Variants in IARS2 observed in about 807,000 individuals in gnomAD.
IARS2 encodes the protein isoleucyl-tRNA synthetase 2, mitochondrial, also known as isoleucine--tRNA ligase, mitochondrial.
In IARS2, 56 loss-of-function variants were observed where a neutral mutation model predicts 126.3. The observed-to-expected ratio is 0.44, with a 90% CI of 0.36 to 0.55. IARS2 has a LOEUF of 0.55. Among genes scored for constraint, IARS2 ranks in the 20% least tolerant of loss-of-function variants. IARS2 has a pLI of 0.00. For missense variants in IARS2, 1,127 were observed against 1,245.9 expected (o/e 0.90, Z 1.44); for synonymous variants, 407 against 441.1 (o/e 0.92, Z 0.97).
At chr1:220,105,869 T>G in intron 8 of IARS2, 22 bp from the exon 9 acceptor site, 2 of 1,605,240 alleles carry the variant, frequency 1.2e-6, no homozygotes, top group Non-Finnish European at 1.7e-6. Context: ...TGATTCTTAA[T>G]AGTGGTTTTC....
rs141215374 is a variant in IARS2, at chr1:220,103,553, A to T, written c.1057A>T (p.Thr353Ser). ...TLETTFETISTLSGVDLENGT... is the reference protein window; with the variant it reads ...TLETTFETISSLSGVDLENGT... ...GGAAACAACATTTGAGACTATTTCA[A>T]CACTTTCAGGTGAAGATTTTTAGAT... The change falls in exon 8 of 23, where the codon ACA becomes TCA. Residue 353 changes from threonine (T) to serine (S), a missense_variant. Coordinates refer to ENST00000366922, the MANE Select transcript of IARS2 (RefSeq NM_018060.4). 1.3e-4 allele frequency: 202 copies of T among 1,600,970 alleles called. 2 individuals are homozygous for T. In the African/African-American group the frequency reaches 2.5e-3, roughly 19 times the overall value.
chr1:220,111,983 A>G (rs980608291), intron 11 of IARS2, among the ~76,000 whole-genome samples: 1 of 151,620 alleles, frequency 6.6e-6, no homozygotes, highest in Non-Finnish European at 1.5e-5. Flanking sequence ...TTTTTTTTTT[A>G]ACTTTTTTGT....
chr1:220,097,457 G>A (rs1191744034), intron 2 of IARS2, among the ~76,000 whole-genome samples: 7 of 149,632 alleles, frequency 4.7e-5, no homozygotes, highest in African/African-American at 1.7e-4. Flanking sequence ...TCCGCTTCCC[G>A]GGTTCAAGCG....
intron 14 of IARS2, among the ~76,000 whole-genome samples, chr1:220,129,698 A>G (rs915220309): frequency 3.3e-5 from 5 of 152,078 alleles, no homozygotes; most frequent in African/African-American, 1.2e-4. Context: ...ATTCTTTTTT[A>G]TGGCTGAATA....
intron 7 of IARS2, among the ~76,000 whole-genome samples, chr1:220,103,197 C>T (rs1202700843): frequency 4.6e-5 from 7 of 151,944 alleles, no homozygotes; most frequent in Admixed American, 3.9e-4. Context: ...TACAGGCATG[C>T]GCCACCACGC....
chr1:220,102,879 T>A, intron 7 of IARS2, 102 bp downstream of exon 7: 1 of 717,652 alleles, frequency 1.4e-6, no homozygotes, highest in Non-Finnish European at 2.4e-6. Flanking sequence ...TTGTAAAATT[T>A]AATGAATTAT....
intron 20 of IARS2, among the ~76,000 whole-genome samples, chr1:220,142,172 G>A (rs1049588896): frequency 4.6e-5 from 7 of 152,108 alleles, no homozygotes; most frequent in Admixed American, 1.3e-4. Flanking sequence ...TGACAGTGTC[G>A]AGAAATCACC....
At chr1:220,114,184 A>T in intron 11 of IARS2, 130 bp from the exon 12 acceptor site, 1 of 705,024 alleles carries the variant, frequency 1.4e-6, no homozygotes, top group Non-Finnish European at 2.4e-6. Context: ...TGTTTTTTTG[A>T]GGGGAGGGTA....
chr1:220,147,112 T>G (rs551314488), intron 22 of IARS2, among the ~76,000 whole-genome samples: 1 of 152,374 alleles, frequency 6.6e-6, no homozygotes, highest in Non-Finnish European at 1.5e-5. Flanking sequence ...GTGAGGACAC[T>G]GTAGTTGTCA....
chr1:220,126,079 C>T (rs1326120816), intron 13 of IARS2, among the ~76,000 whole-genome samples: 1 of 147,606 alleles, frequency 6.8e-6, no homozygotes, highest in Non-Finnish European at 1.5e-5. Context: ...TGCACTCTAG[C>T]CTGGGCAACA....
chr1:220,145,659 AAGG>A lies in IARS2; in HGVS notation c.2896+9_2896+11del, dbSNP rs1558133370. The A allele has an allele frequency of 1.9e-6, 3 of 1,605,486 alleles. No homozygotes were observed. Among genetic ancestry groups the A allele is most frequent in the Non-Finnish European group, 2.6e-6 (3 of 1,175,014 alleles). ...ATTCCTCATCAACTTAGAAGGTAAG[AAGG>A]AGATGAAAGTAACAAGTAACATCTG... On this transcript the variant is annotated splice_region_variant and intron_variant, in intron 22 of 22. Coordinates refer to ENST00000366922, the MANE Select transcript of IARS2 (RefSeq NM_018060.4).
Position 220,101,967 on chromosome 1 carries a change from C to T in IARS2, c.551-162C>T, listed in dbSNP as rs144772853. ...CAGTGAGCCGAGATCATGCCACTCG[C>T]GCCACTGCACTCTAGCCTGGGTGAC... is the stretch of plus-strand genomic sequence containing the variant. On this transcript the variant is annotated intron_variant, in intron 3 of 22. Coordinates refer to ENST00000366922, the MANE Select transcript of IARS2 (RefSeq NM_018060.4). Among the ~76,000 whole-genome samples the T allele has an allele frequency of 4.7e-3, 713 of 152,266 alleles. 4 individuals are homozygous for T. Among genetic ancestry groups the T allele is most frequent in the African/African-American group, 0.011 (442 of 41,552 alleles).
At chr1:220,107,943 GGT>G (rs2102821226) in intron 10 of IARS2, among the ~76,000 whole-genome samples, 1 of 152,288 alleles carries the variant, frequency 6.6e-6, no homozygotes, top group Non-Finnish European at 1.5e-5. Flanking sequence ...TTCTCACTCA[GGT>G]TGATGTGCAG....
chr1:220,147,165 G>A (rs530147329), intron 22 of IARS2, among the ~76,000 whole-genome samples: 10 of 152,260 alleles, frequency 6.6e-5, no homozygotes, highest in African/African-American at 2.4e-4. Context: ...GTATGTAGCT[G>A]GAGAGGCAGT....
intron 11 of IARS2, among the ~76,000 whole-genome samples, chr1:220,112,555 C>CTT (rs750583631): frequency 3.6e-4 from 42 of 116,074 alleles, no homozygotes; most frequent in East Asian, 7.4e-4. Flanking sequence ...AAGATAAGCT[C>CTT]TTTTTTTTTT....
At chr1:220,107,279 A>G (rs1253620049) in intron 10 of IARS2, 128 bp downstream of exon 10, 3 of 637,334 alleles carry the variant, frequency 4.7e-6, no homozygotes, top group Admixed American at 5.4e-5. Context: ...GTTTTGCCAT[A>G]TGTTTTAAAA....
At position 220,094,250 on chromosome 1, in the gene IARS2, G is replaced by C; in HGVS notation, c.34G>C (p.Ala12Pro). ...GGGGCTGCGCCCTCGCGGGCCGGGC[G>C]CGGCCGCCCTGGCCACTGCCCGAAG... ...RWGLRPRGPG[A>P]AALATARSLW... is the part of the protein sequence containing the mutation. Residue 12 changes from alanine (A) to proline (P), a missense_variant, in exon 1 of 23, where the codon GCG becomes CCG. Ala to Pro is a conservative substitution (Grantham distance 27). Transcript: ENST00000366922. 1 of 1,598,610 alleles carries C rather than the reference G, an allele frequency of 6.3e-7. No individual in the cohort carries two copies. The highest frequency in any genetic ancestry group is 8.5e-7 in the Non-Finnish European group (1 of 1,172,696).
At position 220,107,109 on chromosome 1, in the gene IARS2, G is replaced by C. The variant is rs750212035; in HGVS notation, c.1285G>C (p.Glu429Gln). 194 of 1,613,640 alleles carry C rather than the reference G, an allele frequency of 1.2e-4. No homozygotes were observed. The highest frequency in any genetic ancestry group is 1.6e-4 in the Non-Finnish European group (185 of 1,179,682). ...DGVFTDVAGP[E>Q]LQNKAVLEEG... Reference sequence around the variant, plus strand: ...AGTTTTCACAGATGTTGCAGGTCCTGAACTTCAAAACAAGGCTGTCCTTGA... The same window carrying C: ...AGTTTTCACAGATGTTGCAGGTCCTCAACTTCAAAACAAGGCTGTCCTTGA... Residue 429 changes from glutamate (E) to glutamine (Q), a missense_variant, in exon 10 of 23, where the codon GAA becomes CAA. Glu to Gln is a conservative substitution (Grantham distance 29). Transcript: ENST00000366922.
rs528717966 is a variant in IARS2, at chr1:220,146,671, C to G, written c.2897-822C>G. ...GTAGTAAAAGTTCTGGCTTAATTTACTTTGTGTAATTTTTTCTTTCGGACG... is the reference window on the plus strand; with the variant it reads ...GTAGTAAAAGTTCTGGCTTAATTTAGTTTGTGTAATTTTTTCTTTCGGACG... On this transcript the variant is annotated intron_variant, in intron 22 of 22. Transcript: ENST00000366922. 5.3e-5 allele frequency among the ~76,000 whole-genome samples: 8 copies of G among 152,066 alleles called. No homozygotes were observed. In the South Asian group the frequency reaches 1.7e-3, roughly 32 times the overall value.
Sources: gnomAD v4.1 joint callset for allele counts (sites outside exome capture counted in the v4.1 genomes callset) on GRCh38, gnomAD v4.1.1 for gene constraint, MANE v1.5 for transcripts, NCBI Gene and HGNC (gene_info 2026-07-23, HGNC 2026-07-21) for gene names.